Variants in TMEM44 observed in about 807,000 individuals in gnomAD.
TMEM44 encodes the protein transmembrane protein 44.
Under a neutral mutation model 47.8 loss-of-function variants are expected in TMEM44, and 43 were observed. That is an observed-to-expected ratio of 0.90 (90% CI 0.70 to 1.16). The LOEUF is 1.16. TMEM44 is among the 50% of genes most tolerant of loss of function. The probability of loss-of-function intolerance (pLI) is 0.00; values close to 1 mark genes in which losing one functional copy is unlikely to be tolerated. For synonymous variants in TMEM44, 277 were observed against 238.8 expected (o/e 1.16, Z -1.48); for missense variants, 568 against 555.2 (o/e 1.02, Z -0.23).
chr3:194,623,392 G>A (rs1716790281), intron 4 of TMEM44, 82 bp from the exon 5 acceptor site: 5 of 1,513,670 alleles, frequency 3.3e-6, no homozygotes, highest in South Asian at 2.5e-5. Flanking sequence ...AAGCTCAGGA[G>A]TCCTTTTCTG....
chr3:194,628,930 G>A (rs921061398), intron 1 of TMEM44, among the ~76,000 whole-genome samples: 1 of 152,172 alleles, frequency 6.6e-6, no homozygotes. Flanking sequence ...TTGGGAGGCC[G>A]AGGCAGGAGG....
chr3:194,615,803 T>G, intron 6 of TMEM44, 106 bp from the exon 7 acceptor site: 1 of 1,431,526 alleles, frequency 7.0e-7, no homozygotes, highest in Non-Finnish European at 9.6e-7. Context: ...TCACCTACTC[T>G]CCTCCCTCCC....
chr3:194,596,489 T>C (rs531582440), intron 9 of TMEM44, among the ~76,000 whole-genome samples: 1 of 152,270 alleles, frequency 6.6e-6, no homozygotes, highest in African/African-American at 2.4e-5. Context: ...GAAGCTTTTC[T>C]GTGTGTAAGA....
intron 9 of TMEM44, among the ~76,000 whole-genome samples, chr3:194,601,545 C>T (rs543164230): frequency 1.1e-3 from 167 of 152,144 alleles, no homozygotes; most frequent in African/African-American, 3.7e-3. Flanking sequence ...TCAGATGATC[C>T]GCCCACCTTG....
chr3:194,598,754 A>T (rs534303467), intron 9 of TMEM44, among the ~76,000 whole-genome samples: 1 of 152,226 alleles, frequency 6.6e-6, no homozygotes, highest in East Asian at 1.9e-4. Context: ...GAAGTATTCA[A>T]AACAGTCGGT....
chr3:194,592,453 G>A (rs1348707916), intron 9 of TMEM44, among the ~76,000 whole-genome samples: 1 of 152,138 alleles, frequency 6.6e-6, no homozygotes, highest in East Asian at 1.9e-4. Context: ...CTGCAGCCAT[G>A]CCGGCCACTA....
rs1315520396 is a variant in TMEM44, at chr3:194,617,209, C to T, written c.673G>A (p.Gly225Ser). ...ACAATGGCCGAGGCATAGAGGAGGC[C>T]AGCCAGGGCCGACAGGAGCCGGGTC... ...LWTRLLSALAGLLYASAIVAH... is the reference protein window; with the variant it reads ...LWTRLLSALASLLYASAIVAH... The change falls in exon 6 of 10, where the codon GGC (glycine) becomes AGC (serine). Residue 225 changes from glycine (G) to serine (S), a missense_variant. Gly to Ser is a moderately conservative substitution (Grantham distance 56). Coordinates refer to ENST00000347147, the MANE Select transcript of TMEM44 (RefSeq NM_001011655.3). 4 of 1,552,504 alleles carry T rather than the reference C, an allele frequency of 2.6e-6. No individual in the cohort carries two copies. In the East Asian group the frequency reaches 7.3e-5, roughly 28 times the overall value.
At chr3:194,628,323 G>C in intron 2 of TMEM44, 60 bp downstream of exon 2, 1 of 1,561,756 alleles carries the variant, frequency 6.4e-7, no homozygotes, top group Non-Finnish European at 8.7e-7. Flanking sequence ...GCAGCAGAGA[G>C]AAAGGCCAGG....
intron 1 of TMEM44, among the ~76,000 whole-genome samples, chr3:194,630,986 G>A (rs1169500922): frequency 7.2e-6 from 1 of 138,556 alleles, no homozygotes; most frequent in Non-Finnish European, 1.5e-5. Flanking sequence ...TAGGGCCTCT[G>A]AAATAATACG....
rs972112130 is a variant in TMEM44 at position 194,611,464 on chromosome 3, C to A, written c.913-444G>T. Among the ~76,000 whole-genome samples the A allele has an allele frequency of 6.6e-6, 1 of 152,160 alleles. No homozygotes were observed. The highest frequency in any genetic ancestry group is 2.4e-5 in the African/African-American group (1 of 41,440). On this transcript the variant is annotated intron_variant, in intron 7 of 9. Transcript: ENST00000347147. This position sits in a 1 kb window ranked among gnomAD's most constrained non-coding sequence, Gnocchi z 4.2. The stretch of plus-strand genomic sequence containing the variant: ...ATCTGGAGTGAAGCTGTGATCCAGG[C>A]ACTGCATTCCAGCCTAGGGGACAGA...
rs1712982774 is a variant in TMEM44 at position 194,593,224 on chromosome 3, C to T, written c.1177-4585G>A. The T allele has an allele frequency of 2.4e-5, 17 of 717,310 alleles. No individual in the cohort carries two copies. The South Asian group carries it at 2.7e-4, about 11-fold the overall frequency. 44.4% of individuals were successfully genotyped at this position (717,310 alleles called of 1,614,324 possible). A position where few individuals can be genotyped will look rare whatever the true frequency, so the allele number is the denominator to read the frequency against. Reference sequence around the variant, plus strand: ...GGGGCAAAGGAACAGGTGACTTCAGCAAGCAGGAAGGCAGCAGCTACTAGC... The same window carrying T: ...GGGGCAAAGGAACAGGTGACTTCAGTAAGCAGGAAGGCAGCAGCTACTAGC... On this transcript the variant is annotated intron_variant, in intron 9 of 9. Transcript: ENST00000347147.
intron 9 of TMEM44, among the ~76,000 whole-genome samples, chr3:194,599,353 C>T (rs915139400): frequency 2.0e-5 from 3 of 152,104 alleles, no homozygotes; most frequent in Non-Finnish European, 4.4e-5. Flanking sequence ...AACAGCCAGG[C>T]GAAGTGTGGT....
intron 9 of TMEM44, chr3:194,589,042 C>T (rs1339734009): frequency 4.5e-6 from 1 of 222,548 alleles, no homozygotes; most frequent in African/African-American, 2.3e-5. Flanking sequence ...CGGTGTCACC[C>T]AGGCTAGAGT....
intron 8 of TMEM44, among the ~76,000 whole-genome samples, chr3:194,605,531 C>CAGGCAAAGAGAGAGCTTGTGT (rs1456539780): frequency 1.7e-4 from 26 of 152,176 alleles, no homozygotes; most frequent in Non-Finnish European, 3.7e-4. Flanking sequence ...TGGATGGCAG[C>CAGGCAAAGAGAGAGCTTGTGT]AGGCAAAGAG....
In TMEM44 at chr3:194,611,063, G is replaced by A. The variant is rs1235879962; in HGVS notation, c.913-43C>T. ...GGAGACAGAAAGGGGAATTCTCAAAGTCAGGAGGCATTTTCTAAAAACAAG... is the reference window on the plus strand; with the variant it reads ...GGAGACAGAAAGGGGAATTCTCAAAATCAGGAGGCATTTTCTAAAAACAAG... On this transcript the variant is annotated intron_variant, in intron 7 of 9. Coordinates refer to ENST00000347147, the MANE Select transcript of TMEM44 (RefSeq NM_001011655.3). The surrounding 1 kb of genome is among the most constrained non-coding windows in gnomAD (Gnocchi z 4.2). 6.5e-7 allele frequency: 1 copy of A among 1,534,076 alleles called. No homozygotes were observed. Among genetic ancestry groups the A allele is most frequent in the Non-Finnish European group, 9.0e-7 (1 of 1,110,310 alleles).
chr3:194,622,065 ACT>A (rs1716601183), intron 5 of TMEM44, among the ~76,000 whole-genome samples: 2 of 152,220 alleles, frequency 1.3e-5, no homozygotes, highest in Admixed American at 1.3e-4. Flanking sequence ...GGGTTTGCCC[ACT>A]GTTCTGTCAG....
intron 8 of TMEM44, among the ~76,000 whole-genome samples, chr3:194,608,192 T>C (rs1047088930): frequency 3.9e-5 from 6 of 152,200 alleles, no homozygotes; most frequent in African/African-American, 1.4e-4. Flanking sequence ...ATGGCTGAAG[T>C]GGGCTCTTAG....
intron 3 of TMEM44, among the ~76,000 whole-genome samples, chr3:194,625,218 C>T (rs1192990855): frequency 6.6e-6 from 1 of 152,236 alleles, no homozygotes; most frequent in Admixed American, 6.5e-5. Context: ...AACTTGCACA[C>T]TAAGCTATCA....
At chr3:194,630,752 G>A (rs560694359) in intron 1 of TMEM44, among the ~76,000 whole-genome samples, 34 of 147,794 alleles carry the variant, frequency 2.3e-4, no homozygotes, top group Middle Eastern at 3.6e-3. Flanking sequence ...GGCTGTTTCC[G>A]TCGGCGTCAC....
Sources: gnomAD v4.1 joint callset for allele counts (sites outside exome capture counted in the v4.1 genomes callset) on GRCh38, gnomAD v4.1.1 for gene constraint, Gnocchi (gnomAD v3.1) non-coding constraint, MANE v1.5 for transcripts, NCBI Gene and HGNC (gene_info 2026-07-23, HGNC 2026-07-21) for gene names.